The following PAFAH1B2 variants were observed in gnomAD, a reference collection of about 807,000 sequenced individuals.
The protein encoded by PAFAH1B2 is platelet activating factor acetylhydrolase 1b catalytic subunit 2.
Under a neutral mutation model 28.0 loss-of-function variants are expected in PAFAH1B2, and 8 were observed. The observed-to-expected ratio is 0.29, with a 90% CI of 0.17 to 0.52. The LOEUF (loss-of-function observed/expected upper bound fraction) is 0.52, where lower values mean the gene tolerates loss of function less well. Among genes scored for constraint, PAFAH1B2 ranks in the 20% least tolerant of loss-of-function variants. PAFAH1B2 has a pLI of 0.97. For synonymous variants in PAFAH1B2, 104 were observed against 103.2 expected (o/e 1.01, Z -0.05); for missense variants, 190 against 282.6 (o/e 0.67, Z 2.35).
At chr11:117,164,292 A>G (rs1386752468) in intron 5 of PAFAH1B2, among the ~76,000 whole-genome samples, 1 of 152,292 alleles carries the variant, frequency 6.6e-6, no homozygotes, top group East Asian at 1.9e-4. Context: ...CTGTAGTCCC[A>G]GCTACTCGGG....
chr11:117,167,303 C>T, intron 5 of PAFAH1B2, 118 bp from the exon 6 acceptor site: 1 of 1,032,570 alleles, frequency 9.7e-7, no homozygotes, highest in Non-Finnish European at 1.4e-6. Context: ...CAATGTTTCA[C>T]AACTCAAAGG....
chr11:117,153,854 G>T (rs1054655520), intron 2 of PAFAH1B2, among the ~76,000 whole-genome samples: 2 of 151,478 alleles, frequency 1.3e-5, no homozygotes, highest in Non-Finnish European at 2.9e-5. Context: ...ATGTAATATT[G>T]ATATAATACT....
rs1468707907 is a variant in PAFAH1B2 at position 117,169,277 on chromosome 11, G to A, written c.*1578G>A. 30 of 1,038,366 alleles carry A rather than the reference G, an allele frequency of 2.9e-5. No individual in the cohort carries two copies. Among genetic ancestry groups the A allele is most frequent in the South Asian group, 4.6e-5 (1 of 21,746 alleles). The allele number at this position is 1,038,366 out of a possible 1,614,324, so 64.3% of individuals were successfully genotyped here. Reference sequence around the variant, plus strand: ...TGAGAATTTGTTGATCTTAATGTTCGAGCTATATAAGAACTGCCATTAAAA... The same window carrying A: ...TGAGAATTTGTTGATCTTAATGTTCAAGCTATATAAGAACTGCCATTAAAA... On this transcript the variant is annotated 3_prime_UTR_variant, in exon 6 of 6. Transcript: ENST00000527958.
At chr11:117,164,544 G>C (rs1436964755) in intron 5 of PAFAH1B2, among the ~76,000 whole-genome samples, 5 of 152,128 alleles carry the variant, frequency 3.3e-5, no homozygotes, top group Non-Finnish European at 7.3e-5. Flanking sequence ...TACTTTGTAA[G>C]TGTCCTGTTT....
At chr11:117,173,584 T>G (rs1400816229), downstream of PAFAH1B2, among the ~76,000 whole-genome samples, 4 of 152,266 alleles carry the variant, frequency 2.6e-5, no homozygotes, top group East Asian at 1.9e-4. Flanking sequence ...CTCGCCTCCT[T>G]ATGTGCCAGG....
chr11:117,144,608 C>A (rs1488496627), intron 1 of PAFAH1B2, among the ~76,000 whole-genome samples, 190 bp downstream of exon 1: 1 of 152,040 alleles, frequency 6.6e-6, no homozygotes, highest in African/African-American at 2.4e-5. Context: ...GCGTCGGCTT[C>A]CCAGCAGCCG....
At position 117,167,947 on chromosome 11, in the gene PAFAH1B2, AGTTGTATGT is replaced by A. The variant is rs1956550239; in HGVS notation, c.*251_*259del. The A allele has an allele frequency of 8.8e-7, 1 of 1,131,768 alleles. No individual in the cohort carries two copies. The highest frequency in any genetic ancestry group is 1.6e-5 in the African/African-American group (1 of 62,722). The allele number at this position is 1,131,768 out of a possible 1,614,324, so 70.1% of individuals were successfully genotyped here. A position where few individuals can be genotyped will look rare whatever the true frequency, so the allele number is the denominator to read the frequency against. ...ATTTGAAACCAGAAGGGGACTTTTTAGTTGTATGTGTAACACATTCATTGAATTATTATC... is the reference window on the plus strand; with the variant it reads ...ATTTGAAACCAGAAGGGGACTTTTTAGTAACACATTCATTGAATTATTATC... On this transcript the variant is annotated 3_prime_UTR_variant, in exon 6 of 6. Coordinates refer to ENST00000527958, the MANE Select transcript of PAFAH1B2 (RefSeq NM_002572.4).
chr11:117,151,462 C>G (rs1049857330), intron 1 of PAFAH1B2, among the ~76,000 whole-genome samples: 7 of 152,012 alleles, frequency 4.6e-5, no homozygotes, highest in African/African-American at 1.7e-4. Flanking sequence ...ATCTCCTGAC[C>G]TTGTGACCTG....
At chr11:117,156,086 G>A (rs1193644467) in intron 2 of PAFAH1B2, among the ~76,000 whole-genome samples, 2 of 152,178 alleles carry the variant, frequency 1.3e-5, no homozygotes, top group African/African-American at 2.4e-5. Context: ...CTACTGGGGG[G>A]CCAAGGCAGG....
chr11:117,162,560 T>C (rs1207400579), intron 4 of PAFAH1B2, among the ~76,000 whole-genome samples: 1 of 146,918 alleles, frequency 6.8e-6, no homozygotes, highest in Non-Finnish European at 1.5e-5. Flanking sequence ...AGGCTAGGAG[T>C]TCACGACCAC....
At chr11:117,155,134 T>A (rs1956230830) in intron 2 of PAFAH1B2, among the ~76,000 whole-genome samples, 2 of 152,116 alleles carry the variant, frequency 1.3e-5, no homozygotes, top group Non-Finnish European at 2.9e-5. Context: ...TGTGTTTTTT[T>A]AGTAGAGACG....
Position 117,170,230 on chromosome 11 carries a change from G to A in PAFAH1B2, c.*2531G>A. On this transcript the variant is annotated 3_prime_UTR_variant, in exon 6 of 6. Transcript: ENST00000527958. Reference sequence around the variant, plus strand: ...AAAAAATCTATAAATTTAATGCACTGTCCAAGTGAAATGTCCTAGTTGTCA... The same window carrying A: ...AAAAAATCTATAAATTTAATGCACTATCCAAGTGAAATGTCCTAGTTGTCA... 1 of 1,060,382 alleles carries A rather than the reference G, an allele frequency of 9.4e-7. No homozygotes were observed. Among genetic ancestry groups the A allele is most frequent in the South Asian group, 4.6e-5 (1 of 21,904 alleles). The allele number at this position is 1,060,382 out of a possible 1,614,324, so 65.7% of individuals were successfully genotyped here.
At chr11:117,176,224 G>A (rs896345774) in exon 6 of PAFAH1B2, 2 of 461,936 alleles carry the variant, frequency 4.3e-6, no homozygotes, top group African/African-American at 4.0e-5. Flanking sequence ...CTTTCTAATT[G>A]GTGAACCCTT....
At chr11:117,149,765 G>A (rs1272053640) in intron 1 of PAFAH1B2, among the ~76,000 whole-genome samples, 1 of 151,934 alleles carries the variant, frequency 6.6e-6, no homozygotes, top group African/African-American at 2.4e-5. Flanking sequence ...GAAAAAATAG[G>A]CTTCACTATA....
At chr11:117,159,133 G>A (rs1310911527) in intron 2 of PAFAH1B2, among the ~76,000 whole-genome samples, 5 of 152,182 alleles carry the variant, frequency 3.3e-5, no homozygotes, top group Non-Finnish European at 4.4e-5. Context: ...ATTGTAATAT[G>A]TCAACTTTCT....
At chr11:117,162,993 G>T (rs927708312) in intron 4 of PAFAH1B2, among the ~76,000 whole-genome samples, 8 of 152,034 alleles carry the variant, frequency 5.3e-5, no homozygotes, top group African/African-American at 1.9e-4. Flanking sequence ...TGCCTGGCCA[G>T]GTTTTATTTT....
intron 1 of PAFAH1B2, among the ~76,000 whole-genome samples, chr11:117,149,244 CT>C (rs1367270609): frequency 2.2e-5 from 1 of 44,648 alleles, no homozygotes; most frequent in Non-Finnish European, 5.4e-5. Flanking sequence ...CCATGCCAGG[CT>C]AATTTCTTCA....
At chr11:117,161,311 A>G (rs1591745802) in intron 4 of PAFAH1B2, 50 bp downstream of exon 4, 2 of 1,188,536 alleles carry the variant, frequency 1.7e-6, no homozygotes, top group Non-Finnish European at 2.4e-6. Flanking sequence ...TCTGTTTTGG[A>G]TAGTTAAATT....
At position 117,168,446 on chromosome 11, in the gene PAFAH1B2, G is replaced by GTTTGTGTTTTTTTTTTTTTTTT; in HGVS notation, c.*750_*751insGTGTTTTTTTTTTTTTTTTTTT. 1 of 234,820 alleles carries GTTTGTGTTTTTTTTTTTTTTTT rather than the reference G, an allele frequency of 4.3e-6. No homozygotes were observed. The allele number at this position is 234,820 out of a possible 1,614,324, so 14.5% of individuals were successfully genotyped here. ...TCCCCTTCATTCCCCCCGCCACCCC[G>GTTTGTGTTTTTTTTTTTTTTTT]TTTTTTTTTTTTTTTTTTTTTTTTT... is the stretch of plus-strand genomic sequence containing the variant. On this transcript the variant is annotated 3_prime_UTR_variant, in exon 6 of 6. Transcript: ENST00000527958.
Sources: allele counts gnomAD v4.1 joint callset (sites outside exome capture counted in the v4.1 genomes callset), GRCh38; gene constraint gnomAD v4.1.1; transcripts MANE v1.5; gene names NCBI Gene and HGNC (gene_info 2026-07-23, HGNC 2026-07-21).